Variants in YEATS2 observed in about 807,000 individuals in gnomAD.
YEATS2 encodes YEATS domain containing 2, also known as YEATS domain-containing protein 2.
A neutral mutation model predicts 163.2 loss-of-function variants in YEATS2; 77 were observed. The observed-to-expected ratio is 0.47, with a 90% CI of 0.39 to 0.57. The LOEUF (loss-of-function observed/expected upper bound fraction) is 0.57. Ranked by LOEUF, YEATS2 falls within the 20% of genes least tolerant of loss-of-function variation. The probability of loss-of-function intolerance (pLI) is 0.00; values close to 1 mark genes in which losing one functional copy is unlikely to be tolerated. For missense variants in YEATS2, 1,549 were observed against 1,729.8 expected (o/e 0.90, Z 1.85); for synonymous variants, 631 against 645.1 (o/e 0.98, Z 0.33).
chr3:183,719,172 G>GT, intron 4 of YEATS2, among the ~76,000 whole-genome samples: 1 of 119,808 alleles, frequency 8.3e-6, no homozygotes, highest in South Asian at 2.7e-4. Context: ...TTTTTTGTTT[G>GT]TTTTTTTGAG....
At chr3:183,705,874 G>A (rs1714565414) in intron 1 of YEATS2, among the ~76,000 whole-genome samples, 1 of 151,884 alleles carries the variant, frequency 6.6e-6, no homozygotes, top group Non-Finnish European at 1.5e-5. Context: ...TCCATCTTTA[G>A]TAAAAATGCA....
intron 5 of YEATS2, 126 bp from the exon 6 acceptor site, chr3:183,724,293 C>A: frequency 1.5e-6 from 1 of 669,606 alleles, no homozygotes; most frequent in Non-Finnish European, 2.5e-6. Context: ...TGCTACAAAG[C>A]CAGAAAATTT....
At chr3:183,700,190 A>C (rs1228538079) in intron 1 of YEATS2, among the ~76,000 whole-genome samples, 1 of 152,174 alleles carries the variant, frequency 6.6e-6, no homozygotes, top group African/African-American at 2.4e-5. Context: ...CAGCATGCAG[A>C]GTTCTCCCCA....
At chr3:183,713,024 G>A (rs997751485) in intron 1 of YEATS2, among the ~76,000 whole-genome samples, 3 of 152,086 alleles carry the variant, frequency 2.0e-5, no homozygotes, top group African/African-American at 7.2e-5. Context: ...GCCTCCTAAT[G>A]TGCTGGGATT....
chr3:183,794,794 G>A (rs1724980959), intron 21 of YEATS2, among the ~76,000 whole-genome samples: 1 of 152,066 alleles, frequency 6.6e-6, no homozygotes, highest in Admixed American at 6.5e-5. Context: ...CGTAAAGGGG[G>A]CACTTTTTAA....
intron 2 of YEATS2, among the ~76,000 whole-genome samples, chr3:183,717,199 G>A (rs1715985144): frequency 6.6e-6 from 1 of 151,976 alleles, no homozygotes; most frequent in South Asian, 2.1e-4. Context: ...GGCCCCCAGT[G>A]TTGTATTTTA....
At chr3:183,723,345 A>G (rs1455366430) in intron 5 of YEATS2, among the ~76,000 whole-genome samples, 2 of 152,246 alleles carry the variant, frequency 1.3e-5, no homozygotes, top group Admixed American at 6.5e-5. Flanking sequence ...TGACTGTGAT[A>G]CAGAAAATTT....
intron 8 of YEATS2, among the ~76,000 whole-genome samples, chr3:183,737,370 A>G (rs1718451446): frequency 6.6e-6 from 1 of 152,146 alleles, no homozygotes. Context: ...AAGAGATACT[A>G]TTTCTGAGTA....
chr3:183,760,718 T>C (rs1721261526), intron 13 of YEATS2, among the ~76,000 whole-genome samples: 1 of 152,250 alleles, frequency 6.6e-6, no homozygotes. Flanking sequence ...AAGTTTTTAT[T>C]GAAAATTTTT....
intron 1 of YEATS2, among the ~76,000 whole-genome samples, chr3:183,704,227 C>T (rs1714394910): frequency 6.6e-6 from 1 of 151,804 alleles, no homozygotes; most frequent in South Asian, 2.1e-4. Flanking sequence ...TAGATCTCCC[C>T]ACTTTGGTTT....
At chr3:183,704,498 AAG>A (rs1249247705) in intron 1 of YEATS2, among the ~76,000 whole-genome samples, 12 of 152,104 alleles carry the variant, frequency 7.9e-5, no homozygotes, top group Non-Finnish European at 1.8e-4. Flanking sequence ...GAGTTATTAG[AAG>A]AGTGTCTTAT....
At chr3:183,745,583 A>C (rs950167099) in intron 8 of YEATS2, among the ~76,000 whole-genome samples, 1 of 152,210 alleles carries the variant, frequency 6.6e-6, no homozygotes, top group Admixed American at 6.5e-5. Flanking sequence ...TATTTTGTAC[A>C]GTAAATAATG....
intron 15 of YEATS2, among the ~76,000 whole-genome samples, chr3:183,765,299 T>C (rs1363360454): frequency 6.6e-6 from 1 of 152,212 alleles, no homozygotes; most frequent in Non-Finnish European, 1.5e-5. Context: ...GCTGTTTATG[T>C]TAGAAGCTCT....
chr3:183,786,091 A>G, intron 19 of YEATS2, 34 bp from the exon 20 acceptor site: 1 of 1,600,906 alleles, frequency 6.2e-7, no homozygotes, highest in Non-Finnish European at 8.5e-7. Flanking sequence ...TATCCAAGGC[A>G]ACATGATTAT....
chr3:183,777,278 G>A (rs151003912), intron 18 of YEATS2, among the ~76,000 whole-genome samples: 15 of 152,308 alleles, frequency 9.8e-5, no homozygotes, highest in African/African-American at 3.4e-4. Context: ...ATTAAATCCA[G>A]TTTTGAGGAC....
At chr3:183,755,358 C>G (rs964149602) in intron 11 of YEATS2, among the ~76,000 whole-genome samples, 5 of 152,248 alleles carry the variant, frequency 3.3e-5, no homozygotes, top group Admixed American at 1.3e-4. Flanking sequence ...CTCAGGTGAT[C>G]CACCTACCTT....
chr3:183,810,377 C>T, intron 30 of YEATS2, 98 bp from the exon 31 acceptor site: 2 of 1,136,424 alleles, frequency 1.8e-6, no homozygotes, highest in South Asian at 2.8e-5. Context: ...TCCACGGGGC[C>T]TCTGCCTGGG....
chr3:183,776,264 C>G (rs1722990473), intron 18 of YEATS2, 141 bp downstream of exon 18: 1 of 926,424 alleles, frequency 1.1e-6, no homozygotes, highest in Non-Finnish European at 1.5e-6. Context: ...TATATCTTGG[C>G]CGGGTGTGGT....
intron 2 of YEATS2, among the ~76,000 whole-genome samples, chr3:183,716,830 T>C (rs886260614): frequency 1.3e-5 from 2 of 152,058 alleles, no homozygotes; most frequent in African/African-American, 2.4e-5. Flanking sequence ...TGCTAACCTT[T>C]CTCCCCCCAC....
Sources: allele counts gnomAD v4.1 joint callset (sites outside exome capture counted in the v4.1 genomes callset), GRCh38; gene constraint gnomAD v4.1.1; transcripts MANE v1.5; gene names NCBI Gene and HGNC (gene_info 2026-07-23, HGNC 2026-07-21).